Variants in ADGB observed in about 807,000 individuals in gnomAD.
ADGB encodes the protein calpain-7-like protein.
In ADGB, 172 loss-of-function variants were observed where a neutral mutation model predicts 210.5. The ratio of observed to expected loss-of-function variants is 0.82; its 90% CI spans 0.72 to 0.93. ADGB has a LOEUF of 0.93. Among genes scored for constraint, ADGB ranks in the 40% least tolerant of loss-of-function variants. ADGB has a pLI of 0.00. For synonymous variants in ADGB, 658 were observed against 662.7 expected (o/e 0.99, Z 0.11); for missense variants, 2,025 against 1,964.8 (o/e 1.03, Z -0.58).
chr6:146,759,644 A>G (rs1008089377), intron 27 of ADGB, among the ~76,000 whole-genome samples: 2 of 151,770 alleles, frequency 1.3e-5, no homozygotes, highest in Non-Finnish European at 3.0e-5. Flanking sequence ...GAATGTGTAC[A>G]TGCATATATA....
chr6:146,696,248 G>A (rs576926757), intron 12 of ADGB, among the ~76,000 whole-genome samples: 1 of 151,948 alleles, frequency 6.6e-6, no homozygotes, highest in South Asian at 2.1e-4. Context: ...GCTAATTTTT[G>A]TATTTTTTGT....
intron 12 of ADGB, among the ~76,000 whole-genome samples, chr6:146,693,167 C>G (rs1321252645): frequency 6.6e-6 from 1 of 152,126 alleles, no homozygotes; most frequent in Non-Finnish European, 1.5e-5. Flanking sequence ...TGTATGCCCA[C>G]CAAATTCATA....
At chr6:146,798,471 C>T (rs1055771718) in intron 33 of ADGB, among the ~76,000 whole-genome samples, 1 of 152,116 alleles carries the variant, frequency 6.6e-6, no homozygotes, top group East Asian at 1.9e-4. Context: ...AAACATCATA[C>T]TTAAAGGTGA....
At chr6:146,743,422 C>T (rs1777186004) in intron 25 of ADGB, among the ~76,000 whole-genome samples, 1 of 152,140 alleles carries the variant, frequency 6.6e-6, no homozygotes, top group Admixed American at 6.5e-5. Context: ...TTAGAAACTC[C>T]ATTGTAGACA....
chr6:146,642,656 G>A (rs1050473459), intron 2 of ADGB, among the ~76,000 whole-genome samples: 3 of 151,888 alleles, frequency 2.0e-5, no homozygotes, highest in African/African-American at 7.2e-5. Context: ...AACTAATGCA[G>A]GAACAAAAAA....
At chr6:146,796,288 T>G (rs1778039610) in intron 33 of ADGB, among the ~76,000 whole-genome samples, 1 of 152,064 alleles carries the variant, frequency 6.6e-6, no homozygotes, top group Non-Finnish European at 1.5e-5. Flanking sequence ...ATCTACAAAT[T>G]CAATGCAATT....
At chr6:146,792,532 G>A (rs991161508) in intron 33 of ADGB, among the ~76,000 whole-genome samples, 2 of 151,914 alleles carry the variant, frequency 1.3e-5, no homozygotes, top group African/African-American at 4.8e-5. Flanking sequence ...CCCAGGGGCA[G>A]TCACAGCACA....
At chr6:146,630,296 G>A (rs1353818672) in intron 1 of ADGB, among the ~76,000 whole-genome samples, 13 of 152,010 alleles carry the variant, frequency 8.6e-5, no homozygotes, top group Admixed American at 7.2e-4. Flanking sequence ...GATCACACAT[G>A]CTTGTAGTCC....
chr6:146,710,449 C>A (rs562746268), intron 13 of ADGB, among the ~76,000 whole-genome samples: 1 of 151,944 alleles, frequency 6.6e-6, no homozygotes, highest in Non-Finnish European at 1.5e-5. Flanking sequence ...TAAATTATAA[C>A]AATAGATTCT....
chr6:146,614,590 G>T (rs1780763049), intron 1 of ADGB, among the ~76,000 whole-genome samples: 2 of 152,034 alleles, frequency 1.3e-5, no homozygotes, highest in South Asian at 4.1e-4. Context: ...ATACATAACT[G>T]TACATATTTA....
intron 1 of ADGB, among the ~76,000 whole-genome samples, chr6:146,629,579 G>T (rs1781029730): frequency 6.6e-6 from 1 of 152,138 alleles, no homozygotes; most frequent in South Asian, 2.1e-4. Context: ...TTATATTTAA[G>T]AAATGATATC....
chr6:146,599,095 G>C lies in ADGB; in HGVS notation c.55G>C (p.Gly19Arg). The part of the protein sequence containing the change: ...KEVHRINSAH[G>R]SDKSKDFYPF... ...GGTGCATCGTATCAACTCGGCGCAC[G>C]GATCGGATAAATCGAAAGAGTAAGG... is the stretch of plus-strand genomic sequence containing the variant. The change falls in exon 1 of 36, where the codon GGA becomes CGA. Residue 19 changes from glycine (G) to arginine (R), a missense_variant. Coordinates refer to ENST00000397944, the MANE Select transcript of ADGB (RefSeq NM_024694.4). 6.4e-7 allele frequency: 1 copy of C among 1,551,704 alleles called. No individual in the cohort carries two copies. Among genetic ancestry groups the C allele is most frequent in the Non-Finnish European group, 8.7e-7 (1 of 1,146,990 alleles).
intron 8 of ADGB, among the ~76,000 whole-genome samples, chr6:146,674,416 T>C (rs1371721160): frequency 6.6e-6 from 1 of 152,090 alleles, no homozygotes; most frequent in Non-Finnish European, 1.5e-5. Context: ...TAGTATATGT[T>C]TTCTGAGAAG....
intron 1 of ADGB, among the ~76,000 whole-genome samples, chr6:146,608,382 T>A (rs1464630980): frequency 6.6e-6 from 1 of 152,082 alleles, no homozygotes; most frequent in Non-Finnish European, 1.5e-5. Flanking sequence ...TTTCAGCACA[T>A]CTCTAACTTT....
At chr6:146,799,058 C>CAAAAAAAAAAAAAAAAAAA (rs71552962) in intron 33 of ADGB, among the ~76,000 whole-genome samples, 1 of 63,530 alleles carries the variant, frequency 1.6e-5, no homozygotes. Context: ...TATGGAAATG[C>CAAAAAAAAAAAAAAAAAAA]AAAAAAAAAA....
chr6:146,764,697 T>G (rs1410891897), intron 28 of ADGB, among the ~76,000 whole-genome samples: 1 of 152,216 alleles, frequency 6.6e-6, no homozygotes, highest in Admixed American at 6.5e-5. Context: ...AAATAAGATC[T>G]AACTATTTTA....
At chr6:146,679,596 C>T (rs1027507827) in intron 9 of ADGB, among the ~76,000 whole-genome samples, 7 of 152,202 alleles carry the variant, frequency 4.6e-5, no homozygotes, top group African/African-American at 1.7e-4. Context: ...GGCACTGATT[C>T]TGCTCTCTTG....
intron 1 of ADGB, among the ~76,000 whole-genome samples, chr6:146,615,001 C>T (rs4621654): frequency 6.6e-6 from 1 of 152,060 alleles, no homozygotes; most frequent in Admixed American, 6.5e-5. Flanking sequence ...CCCGGGTTCA[C>T]GCCATTGTCT....
At chr6:146,718,817 G>C (rs1244503427) in intron 16 of ADGB, among the ~76,000 whole-genome samples, 1 of 152,198 alleles carries the variant, frequency 6.6e-6, no homozygotes, top group East Asian at 1.9e-4. Context: ...CAGACCTCAA[G>C]AGCTGCTTTG....
Sources: gnomAD v4.1 joint callset for allele counts (sites outside exome capture counted in the v4.1 genomes callset) on GRCh38, gnomAD v4.1.1 for gene constraint, MANE v1.5 for transcripts, NCBI Gene and HGNC (gene_info 2026-07-23, HGNC 2026-07-21) for gene names.